Variants in NLGN4Y observed in about 807,000 individuals in gnomAD.
NLGN4Y encodes the protein neuroligin 4 Y-linked, also known as neuroligin-4, Y-linked.
In NLGN4Y, 4 loss-of-function variants were observed where a neutral mutation model predicts 8.4. The observed-to-expected ratio is 0.48, with a 90% CI of 0.23 to 1.09. The LOEUF is 1.09. Among genes scored for constraint, NLGN4Y ranks in the 50% least tolerant of loss-of-function variants. The pLI is 0.19. For synonymous variants in NLGN4Y, 35 were observed against 75.6 expected (o/e 0.46, Z 2.78); for missense variants, 90 against 192.3 (o/e 0.47, Z 3.15).
intron 4 of NLGN4Y, among the ~76,000 whole-genome samples, chrY:14,735,245 A>C (rs746325956): frequency 9.4e-4 from 32 of 34,201 alleles, no homozygotes; most frequent in African/African-American, 3.3e-3. Context: ...CTGTGTCGCT[A>C]CTCAGATCTC....
chrY:14,641,226 T>C (rs2080589441), intron 2 of NLGN4Y, among the ~76,000 whole-genome samples: 1 of 33,528 alleles, frequency 3.0e-5, no homozygotes, highest in Admixed American at 2.8e-4. Context: ...TATCTAAGAT[T>C]GTTCATGGGA....
At position 14,637,250 on chromosome Y, in the gene NLGN4Y, G is replaced by T; in HGVS notation, c.472+14659G>T. Among the ~76,000 whole-genome samples the T allele has an allele frequency of 1.2e-4, 4 of 33,412 alleles. No individual in the cohort carries two copies. In the Middle Eastern group the frequency reaches 0.041, roughly 339 times the overall value. The allele number at this position is 33,412 out of a possible 37,273, so 89.6% of individuals were successfully genotyped here. On this transcript the variant is annotated intron_variant, in intron 2 of 6. Transcript: ENST00000684976. Reference sequence around the variant, plus strand: ...AAAAAGGCATTAAAGAAAGGGAAAGGTTGGTGATGTTTACCTGAGCACTCT... The same window carrying T: ...AAAAAGGCATTAAAGAAAGGGAAAGTTTGGTGATGTTTACCTGAGCACTCT...
rs1222623380 is a variant in NLGN4Y, at chrY:14,748,023, T to C, written c.685+24754T>C. On this transcript the variant is annotated intron_variant, in intron 4 of 6. Coordinates refer to ENST00000684976, the MANE Select transcript of NLGN4Y (RefSeq NM_001365588.1). ...TCCAGCTCCAATGATGATAAAAATA[T>C]AGATGTAAATGGAGCTAAGAGGGGT... Among the ~76,000 whole-genome samples, 5 of 33,461 alleles carry C rather than the reference T, an allele frequency of 1.5e-4. No individual in the cohort carries two copies. The East Asian group carries it at 4.0e-3, about 27-fold the overall frequency. 89.8% of individuals were successfully genotyped at this position (33,461 alleles called of 37,273 possible). A position where few individuals can be genotyped will look rare whatever the true frequency, so the allele number is the denominator to read the frequency against.
At chrY:14,651,553 T>C in intron 2 of NLGN4Y, among the ~76,000 whole-genome samples, 1 of 33,538 alleles carries the variant, frequency 3.0e-5, no homozygotes, top group South Asian at 6.5e-4. Flanking sequence ...TTCTATTATT[T>C]GTAGCAGCTT....
chrY:14,703,543 G>T (rs1407135527), intron 2 of NLGN4Y, among the ~76,000 whole-genome samples: 2 of 33,365 alleles, frequency 6.0e-5, no homozygotes, highest in Non-Finnish European at 1.5e-4. Flanking sequence ...TACCAGTACC[G>T]TACTGTTTTG....
At chrY:14,647,822 G>A in intron 2 of NLGN4Y, among the ~76,000 whole-genome samples, 1 of 34,592 alleles carries the variant, frequency 2.9e-5, no homozygotes, top group Admixed American at 2.6e-4. Flanking sequence ...AGATTCATGA[G>A]TCAAAGAATA....
chrY:14,581,256 C>CT (rs2080318993), intron 1 of NLGN4Y, among the ~76,000 whole-genome samples: 30 of 30,527 alleles, frequency 9.8e-4, no homozygotes, highest in African/African-American at 3.7e-3. Flanking sequence ...CCCAAGCTTC[C>CT]TTTTTTTTTT....
intron 2 of NLGN4Y, among the ~76,000 whole-genome samples, chrY:14,660,555 AT>A (rs367956809): frequency 8.3e-4 from 17 of 20,542 alleles, no homozygotes; most frequent in Admixed American, 1.9e-3. Context: ...ATGTCGGTCC[AT>A]TTTTTTTTTT....
chrY:14,534,712 G>A, intron 1 of NLGN4Y, among the ~76,000 whole-genome samples: 1 of 31,212 alleles, frequency 3.2e-5, no homozygotes. Flanking sequence ...TGCACCTCTG[G>A]TCTTACTGGT....
At chrY:14,731,835 CT>C (rs2080973633) in intron 4 of NLGN4Y, among the ~76,000 whole-genome samples, 1 of 32,978 alleles carries the variant, frequency 3.0e-5, no homozygotes, top group Non-Finnish European at 7.4e-5. Context: ...GATTCTCTTA[CT>C]GGAATGATGA....
At chrY:14,718,650 G>A (rs2080924155) in intron 2 of NLGN4Y, among the ~76,000 whole-genome samples, 1 of 33,484 alleles carries the variant, frequency 3.0e-5, no homozygotes, top group African/African-American at 1.2e-4. Context: ...AGATATTATT[G>A]AGGTGATCAG....
At chrY:14,578,946 T>C in intron 1 of NLGN4Y, among the ~76,000 whole-genome samples, 1 of 34,102 alleles carries the variant, frequency 2.9e-5, no homozygotes, top group Non-Finnish European at 7.3e-5. Flanking sequence ...GCAGGCAGAG[T>C]CAAAGCATTT....
chrY:14,674,216 C>CAAAAT (rs2080738913), intron 2 of NLGN4Y, among the ~76,000 whole-genome samples: 4 of 21,675 alleles, frequency 1.8e-4, no homozygotes, highest in African/African-American at 5.5e-4. Context: ...TTTAAAGCCA[C>CAAAAT]AAAATAAAAT....
At chrY:14,823,953 T>TATA (rs2043133264) in intron 4 of NLGN4Y, among the ~76,000 whole-genome samples, 2 of 33,799 alleles carry the variant, frequency 5.9e-5, no homozygotes, top group African/African-American at 2.3e-4. Context: ...GCCTTCTACA[T>TATA]TAGCCATATA....
chrY:14,829,389 A>G, intron 5 of NLGN4Y, among the ~76,000 whole-genome samples: 1 of 33,214 alleles, frequency 3.0e-5, no homozygotes, highest in Non-Finnish European at 7.4e-5. Context: ...TTGCATTTTT[A>G]TGTATGGCAT....
At chrY:14,782,923 T>C (rs2042947972) in intron 4 of NLGN4Y, among the ~76,000 whole-genome samples, 2 of 33,651 alleles carry the variant, frequency 5.9e-5, no homozygotes, top group African/African-American at 2.3e-4. Flanking sequence ...GGCTGGGGCA[T>C]TGGAACTGAT....
intron 4 of NLGN4Y, among the ~76,000 whole-genome samples, chrY:14,802,585 A>T (rs2043036905): frequency 3.7e-5 from 1 of 27,158 alleles, no homozygotes; most frequent in Non-Finnish European, 8.2e-5. Flanking sequence ...ATATATAATT[A>T]TAAAAAATTA....
At chrY:14,811,737 T>C (rs1006136359) in intron 4 of NLGN4Y, among the ~76,000 whole-genome samples, 1 of 33,554 alleles carries the variant, frequency 3.0e-5, no homozygotes, top group African/African-American at 1.2e-4. Flanking sequence ...TCCTAAGCCT[T>C]GTGATATAAT....
intron 1 of NLGN4Y, among the ~76,000 whole-genome samples, chrY:14,572,282 G>C: frequency 3.2e-5 from 1 of 30,816 alleles, no homozygotes; most frequent in Non-Finnish European, 7.8e-5. Context: ...ATTGAGCAGT[G>C]GTTTGTAGTT....
Sources: gnomAD v4.1 joint callset for allele counts (sites outside exome capture counted in the v4.1 genomes callset) on GRCh38, gnomAD v4.1.1 for gene constraint, MANE v1.5 for transcripts, NCBI Gene and HGNC (gene_info 2026-07-23, HGNC 2026-07-21) for gene names.